NFIL3: variants seen among roughly 807,000 people sequenced by gnomAD.
The protein encoded by NFIL3 is nuclear factor interleukin-3-regulated protein.
A neutral mutation model predicts 10.0 loss-of-function variants in NFIL3; 5 were observed. The ratio of observed to expected loss-of-function variants is 0.50; its 90% CI spans 0.26 to 1.06. The LOEUF is 1.06. NFIL3 is among the 50% of genes least tolerant of loss of function. The probability of loss-of-function intolerance (pLI) is 0.13; values close to 1 mark genes in which losing one functional copy is unlikely to be tolerated. For synonymous variants in NFIL3, 202 were observed against 206.5 expected (o/e 0.98, Z 0.19); for missense variants, 436 against 547.6 (o/e 0.80, Z 2.03).
chr9:91,482,403 G>A, the NFIL3 span, among the ~76,000 whole-genome samples: 51 of 151,776 alleles, frequency 3.4e-4, no homozygotes, highest in East Asian at 2.3e-3. Flanking sequence ...TTGGGAGGCA[G>A]TAGTTTAATA....
the NFIL3 span, among the ~76,000 whole-genome samples, chr9:91,446,901 T>C: frequency 6.6e-6 from 1 of 151,998 alleles, no homozygotes; most frequent in Admixed American, 6.6e-5. Context: ...CAGCAACCTC[T>C]ACCTCCTGAG....
chr9:91,442,949 G>A, the NFIL3 span, among the ~76,000 whole-genome samples: 1 of 152,156 alleles, frequency 6.6e-6, no homozygotes, highest in Non-Finnish European at 1.5e-5. Context: ...GTGGGTCCAA[G>A]TTCTTGTCCC....
the NFIL3 span, among the ~76,000 whole-genome samples, chr9:91,479,182 G>A: frequency 6.6e-6 from 1 of 152,202 alleles, no homozygotes; most frequent in African/African-American, 2.4e-5. Flanking sequence ...TGTGCTGGGG[G>A]ATCCACCACT....
At chr9:91,477,737 A>T in the NFIL3 span, among the ~76,000 whole-genome samples, 3 of 152,240 alleles carry the variant, frequency 2.0e-5, no homozygotes, top group Non-Finnish European at 4.4e-5. Flanking sequence ...AAAGAAAATT[A>T]TAAATGCTTA....
upstream of NFIL3, among the ~76,000 whole-genome samples, chr9:91,428,003 G>GT (rs758667516): frequency 2.4e-4 from 37 of 152,136 alleles, no homozygotes; most frequent in Non-Finnish European, 4.7e-4. Flanking sequence ...CCTTAGTGAG[G>GT]TTCTCCTCCC....
the NFIL3 span, among the ~76,000 whole-genome samples, chr9:91,431,868 C>CTCTCTGCAAGTCCCA: frequency 6.6e-6 from 1 of 152,192 alleles, no homozygotes; most frequent in Non-Finnish European, 1.5e-5. Context: ...CTGCAAGTCC[C>CTCTCTGCAAGTCCCA]AGTGTGTCTC....
upstream of NFIL3, among the ~76,000 whole-genome samples, chr9:91,424,467 G>A (rs1564160464): frequency 6.6e-6 from 1 of 152,178 alleles, no homozygotes; most frequent in Non-Finnish European, 1.5e-5. Flanking sequence ...CAACACTCGG[G>A]GCGCGCTGCG....
At chr9:91,436,022 A>G in the NFIL3 span, among the ~76,000 whole-genome samples, 3,777 of 152,322 alleles carry the variant, frequency 0.025, 174 homozygotes, top group African/African-American at 0.086. Flanking sequence ...ACTCCAGGCA[A>G]CTCACAGAAT....
At chr9:91,463,690 G>C in the NFIL3 span, among the ~76,000 whole-genome samples, 1 of 152,152 alleles carries the variant, frequency 6.6e-6, no homozygotes, top group African/African-American at 2.4e-5. Flanking sequence ...GATTGGTAGT[G>C]ACACTCAGGT....
At chr9:91,468,143 A>G in the NFIL3 span, among the ~76,000 whole-genome samples, 5 of 152,216 alleles carry the variant, frequency 3.3e-5, no homozygotes, top group African/African-American at 1.2e-4. Flanking sequence ...ACTAGTTTAC[A>G]GTCCCACCAA....
chr9:91,476,880 C>T, the NFIL3 span, among the ~76,000 whole-genome samples: 5 of 152,184 alleles, frequency 3.3e-5, no homozygotes, highest in East Asian at 1.9e-4. Flanking sequence ...CTACTGCTGC[C>T]GAAGTTTGCC....
chr9:91,412,011 A>G (rs550161218), intron 1 of NFIL3, among the ~76,000 whole-genome samples: 1 of 144,902 alleles, frequency 6.9e-6, no homozygotes, highest in Non-Finnish European at 1.5e-5. Flanking sequence ...CTGAGGCAGG[A>G]GAATTGCTTG....
chr9:91,455,375 TG>T, the NFIL3 span, among the ~76,000 whole-genome samples: 1 of 152,234 alleles, frequency 6.6e-6, no homozygotes, highest in African/African-American at 2.4e-5. Flanking sequence ...AAGGAAATGC[TG>T]TCCCATCTCC....
chr9:91,412,745 G>A (rs7047938), intron 1 of NFIL3, among the ~76,000 whole-genome samples: 5,889 of 151,922 alleles, frequency 0.039, 378 homozygotes, highest in African/African-American at 0.13. Context: ...TCGGGAGGCT[G>A]AGGCAGGAGA....
At chr9:91,469,976 A>G in the NFIL3 span, among the ~76,000 whole-genome samples, 1 of 152,166 alleles carries the variant, frequency 6.6e-6, no homozygotes, top group Non-Finnish European at 1.5e-5. Context: ...CATCAGGGAT[A>G]TTGGTGTAAA....
the NFIL3 span, among the ~76,000 whole-genome samples, chr9:91,474,043 C>A: frequency 4.0e-5 from 6 of 151,536 alleles, no homozygotes; most frequent in Non-Finnish European, 7.4e-5. Context: ...GGGAAAGCAT[C>A]CAGTTTCTCA....
At chr9:91,467,636 A>G in the NFIL3 span, among the ~76,000 whole-genome samples, 1 of 152,150 alleles carries the variant, frequency 6.6e-6, no homozygotes, top group Admixed American at 6.5e-5. Flanking sequence ...TGCTGCACCC[A>G]TTAACTCGTC....
the NFIL3 span, among the ~76,000 whole-genome samples, chr9:91,475,414 A>G: frequency 6.6e-6 from 1 of 152,242 alleles, no homozygotes; most frequent in South Asian, 2.1e-4. Context: ...TCCTCTAAAT[A>G]CATCTTGGGC....
chr9:91,433,079 A>G, the NFIL3 span, among the ~76,000 whole-genome samples: 1 of 152,236 alleles, frequency 6.6e-6, no homozygotes, highest in East Asian at 1.9e-4. Flanking sequence ...AGGAAAAAAA[A>G]GAATTATCAG....
Sources: allele counts gnomAD v4.1 joint callset (sites outside exome capture counted in the v4.1 genomes callset), GRCh38; gene constraint gnomAD v4.1.1; transcripts MANE v1.5; gene names NCBI Gene and HGNC (gene_info 2026-07-23, HGNC 2026-07-21).